ARHGAP6: variants seen among roughly 807,000 people sequenced by gnomAD.
ARHGAP6 encodes the protein Rho GTPase activating protein 6, also known as rho GTPase-activating protein 6.
In ARHGAP6, 16 loss-of-function variants were observed where a neutral mutation model predicts 55.7. The observed-to-expected ratio is 0.29, with a 90% CI of 0.19 to 0.44. The LOEUF is 0.44. ARHGAP6 is among the 20% of genes least tolerant of loss of function. The pLI is 1.00. For synonymous variants in ARHGAP6, 382 were observed against 360.9 expected (o/e 1.06, Z -0.66); for missense variants, 698 against 808.9 (o/e 0.86, Z 1.66).
chrX:11,299,222 A>G (rs754945811), intron 1 of ARHGAP6, among the ~76,000 whole-genome samples: 1 of 112,096 alleles, frequency 8.9e-6, no homozygotes. Flanking sequence ...TTCTACCAGA[A>G]TATGTATTAC....
chrX:11,534,193 C>T (rs1048424809), intron 1 of ARHGAP6, among the ~76,000 whole-genome samples: 1 of 111,410 alleles, frequency 9.0e-6, no homozygotes, highest in Non-Finnish European at 1.9e-5. Context: ...TGCTGCCTAC[C>T]GCAATAGTGC....
At chrX:11,275,435 C>T (rs997871167) in intron 1 of ARHGAP6, among the ~76,000 whole-genome samples, 9 of 111,623 alleles carry the variant, frequency 8.1e-5, no homozygotes, top group African/African-American at 2.6e-4. Flanking sequence ...GAAGCAAAAT[C>T]ATTTTTAACA....
At chrX:11,521,904 T>C (rs1216815156) in intron 1 of ARHGAP6, among the ~76,000 whole-genome samples, 2 of 111,744 alleles carry the variant, frequency 1.8e-5, no homozygotes, top group Admixed American at 9.6e-5. Flanking sequence ...CTAGGTATTT[T>C]ATTCTCTTTG....
intron 10 of ARHGAP6, among the ~76,000 whole-genome samples, chrX:11,154,389 G>C (rs1269304623): frequency 5.3e-5 from 6 of 112,289 alleles, no homozygotes; most frequent in African/African-American, 1.9e-4. Context: ...GGCTTAATAT[G>C]TGTGCTTCTT....
At chrX:11,454,206 C>T (rs911960616) in intron 1 of ARHGAP6, among the ~76,000 whole-genome samples, 7 of 106,878 alleles carry the variant, frequency 6.5e-5, no homozygotes, top group African/African-American at 2.1e-4. Flanking sequence ...ATGACACGCC[C>T]GCCTCGGCCT....
At chrX:11,231,263 C>T (rs2047127650) in intron 2 of ARHGAP6, among the ~76,000 whole-genome samples, 1 of 112,044 alleles carries the variant, frequency 8.9e-6, no homozygotes, top group African/African-American at 3.3e-5. Flanking sequence ...CCATAATAAA[C>T]ACCCGCTTTG....
At chrX:11,240,422 A>T (rs1379586579) in intron 2 of ARHGAP6, among the ~76,000 whole-genome samples, 1 of 112,162 alleles carries the variant, frequency 8.9e-6, no homozygotes, top group Non-Finnish European at 1.9e-5. Flanking sequence ...CTGGTTTAAG[A>T]GTTAACCTGG....
chrX:11,530,378 A>C (rs1454863491), intron 1 of ARHGAP6, among the ~76,000 whole-genome samples: 1 of 112,356 alleles, frequency 8.9e-6, no homozygotes, highest in African/African-American at 3.2e-5. Context: ...GTGTTTGGTA[A>C]GTGAAAACTG....
chrX:11,331,121 TA>T (rs890656296), intron 1 of ARHGAP6, among the ~76,000 whole-genome samples: 1 of 111,628 alleles, frequency 9.0e-6, no homozygotes, highest in Non-Finnish European at 1.9e-5. Context: ...TCATAAAACC[TA>T]AAAATATTCT....
chrX:11,139,629 C>T (rs1057055901), intron 12 of ARHGAP6, 99 bp from the exon 13 acceptor site: 56 of 915,121 alleles, frequency 6.1e-5, no homozygotes, highest in Non-Finnish European at 6.8e-5. Flanking sequence ...TACGACGTCC[C>T]CCCGGACTTC....
At chrX:11,534,622 G>C (rs1328184088) in intron 1 of ARHGAP6, among the ~76,000 whole-genome samples, 1 of 109,634 alleles carries the variant, frequency 9.1e-6, no homozygotes, top group Non-Finnish European at 1.9e-5. Context: ...ACAGGCCATG[G>C]TAGCGAACAG....
chrX:11,195,959 C>CA (rs1024986729), intron 3 of ARHGAP6, among the ~76,000 whole-genome samples: 1,795 of 8,417 alleles, frequency 0.21, 267 homozygotes, highest in Middle Eastern at 0.57. Context: ...ACTAAAAATA[C>CA]AAAAAAAAAA....
At chrX:11,181,192 C>G (rs2046309701) in intron 6 of ARHGAP6, among the ~76,000 whole-genome samples, 1 of 111,575 alleles carries the variant, frequency 9.0e-6, no homozygotes, top group Non-Finnish European at 1.9e-5. Flanking sequence ...GAATAAAAAC[C>G]AACCAACCAA....
chrX:11,649,013 T>C (rs1339018037), intron 1 of ARHGAP6, among the ~76,000 whole-genome samples: 1 of 112,312 alleles, frequency 8.9e-6, no homozygotes, highest in Admixed American at 9.4e-5. Context: ...AGAGACATTC[T>C]CCAGCTTCCC....
At chrX:11,466,280 T>A (rs1427739733) in intron 1 of ARHGAP6, among the ~76,000 whole-genome samples, 1 of 111,865 alleles carries the variant, frequency 8.9e-6, no homozygotes, top group Non-Finnish European at 1.9e-5. Flanking sequence ...TCACTCAAAA[T>A]GATTTGTGAG....
At chrX:11,461,585 G>A (rs189056202) in intron 1 of ARHGAP6, among the ~76,000 whole-genome samples, 13 of 112,086 alleles carry the variant, frequency 1.2e-4, no homozygotes, top group Non-Finnish European at 1.9e-4. Context: ...AGGTGGTGGG[G>A]TTGACATACT....
intron 9 of ARHGAP6, among the ~76,000 whole-genome samples, chrX:11,162,593 A>G (rs1159492567): frequency 9.0e-6 from 1 of 110,879 alleles, no homozygotes; most frequent in East Asian, 2.8e-4. Context: ...ATTTCTACCC[A>G]GTGGATGTGC....
chrX:11,561,007 A>G (rs2051378967), intron 1 of ARHGAP6, among the ~76,000 whole-genome samples: 1 of 112,113 alleles, frequency 8.9e-6, no homozygotes, highest in African/African-American at 3.2e-5. Context: ...GCCTGTTTTT[A>G]TAAACAAAGT....
intron 2 of ARHGAP6, among the ~76,000 whole-genome samples, chrX:11,202,487 T>G (rs754667780): frequency 9.0e-6 from 1 of 110,766 alleles, no homozygotes; most frequent in East Asian, 2.9e-4. Context: ...AGAATACAGG[T>G]GTTTAAACAA....
Sources: allele counts gnomAD v4.1 joint callset (sites outside exome capture counted in the v4.1 genomes callset), GRCh38; gene constraint gnomAD v4.1.1; transcripts MANE v1.5; gene names NCBI Gene and HGNC (gene_info 2026-07-23, HGNC 2026-07-21).